Variants in GABBR2 observed in about 807,000 individuals in gnomAD.
GABBR2 encodes gamma-aminobutyric acid type B receptor subunit 2.
Under a neutral mutation model 105.6 loss-of-function variants are expected in GABBR2, and 23 were observed. The observed-to-expected ratio is 0.22, with a 90% CI of 0.16 to 0.31. The LOEUF (loss-of-function observed/expected upper bound fraction) is 0.31, where lower values mean the gene tolerates loss of function less well. Among genes scored for constraint, GABBR2 ranks in the 10% least tolerant of loss-of-function variants. GABBR2 has a pLI of 1.00. For missense variants in GABBR2, 734 were observed against 1,245.5 expected (o/e 0.59, Z 6.18); for synonymous variants, 478 against 499.7 (o/e 0.96, Z 0.58).
At chr9:98,607,105 G>A (rs1045153771) in intron 1 of GABBR2, 2 of 1,602,664 alleles carry the variant, frequency 1.2e-6, no homozygotes, top group Admixed American at 3.3e-5. Flanking sequence ...TATGGTAGTG[G>A]GTGGAACAAT....
At chr9:98,622,852 T>C (rs1189208347) in intron 1 of GABBR2, among the ~76,000 whole-genome samples, 4 of 151,502 alleles carry the variant, frequency 2.6e-5, no homozygotes, top group African/African-American at 9.7e-5. Flanking sequence ...CACAGAAGAG[T>C]CTTAGGGCAA....
intron 1 of GABBR2, among the ~76,000 whole-genome samples, chr9:98,652,372 C>T (rs1830120493): frequency 1.3e-5 from 2 of 152,156 alleles, no homozygotes; most frequent in South Asian, 2.1e-4. Context: ...AACAACCTCC[C>T]AGTTGCAGGG....
Position 98,394,084 on chromosome 9 carries a change from G to A in GABBR2, c.1378+91C>T, listed in dbSNP as rs16915576. 0.014 allele frequency: 12,327 copies of A among 887,782 alleles called. 121 individuals are homozygous for A. The highest frequency in any genetic ancestry group is 0.032 in the African/African-American group (1,953 of 61,082). The allele number at this position is 887,782 out of a possible 1,614,324, so 55.0% of individuals were successfully genotyped here. Reference sequence around the variant, plus strand: ...TGTTCCCTTGACCCCCTGAAGCCAAGGATGCTGAGCTTGTCCCTAACCCTT... The same window carrying A: ...TGTTCCCTTGACCCCCTGAAGCCAAAGATGCTGAGCTTGTCCCTAACCCTT... On this transcript the variant is annotated intron_variant, in intron 9 of 18. Coordinates refer to ENST00000259455, the MANE Select transcript of GABBR2 (RefSeq NM_005458.8).
chr9:98,468,258 G>T (rs59451817), intron 6 of GABBR2, among the ~76,000 whole-genome samples: 9,332 of 152,208 alleles, frequency 0.061, 943 homozygotes, highest in African/African-American at 0.21. Flanking sequence ...GGGGACAGCT[G>T]GATGCTAGAG....
Position 98,395,213 on chromosome 9 carries a change from T to C in GABBR2, c.1298-958A>G, listed in dbSNP as rs541688934. Among the ~76,000 whole-genome samples the C allele has an allele frequency of 8.5e-5, 13 of 152,204 alleles. No homozygotes were observed. In the South Asian group the frequency reaches 1.5e-3, roughly 17 times the overall value. On this transcript the variant is annotated intron_variant, in intron 8 of 18. Transcript: ENST00000259455. ...GACAACTGAGTGATCAAATGGGAGA[T>C]GAAGAAGAGGGGGACCAAGGTCATC... is the stretch of plus-strand genomic sequence containing the variant.
intron 12 of GABBR2, among the ~76,000 whole-genome samples, chr9:98,368,677 A>T (rs866801339): frequency 1.3e-5 from 2 of 152,362 alleles, no homozygotes; most frequent in Middle Eastern, 3.4e-3. Flanking sequence ...ACAGATGACC[A>T]TAGGGATGAA....
At chr9:98,654,677 T>C (rs975494154) in intron 1 of GABBR2, among the ~76,000 whole-genome samples, 1 of 151,608 alleles carries the variant, frequency 6.6e-6, no homozygotes, top group Non-Finnish European at 1.5e-5. Flanking sequence ...CAGTGGGGAG[T>C]AGGGAGCAGT....
intron 1 of GABBR2, among the ~76,000 whole-genome samples, chr9:98,634,566 C>T (rs146069624): frequency 0.012 from 1,766 of 152,204 alleles, 18 homozygotes; most frequent in Non-Finnish European, 0.017. Flanking sequence ...ACCAGAGCCA[C>T]CAGAGCTGGA....
intron 13 of GABBR2, 46 bp downstream of exon 13, chr9:98,362,669 G>A (rs1588122457): frequency 2.1e-6 from 3 of 1,445,616 alleles, no homozygotes; most frequent in Non-Finnish European, 2.7e-6. Context: ...TCATGTGCCA[G>A]GGGCTGCATC....
At chr9:98,379,504 G>T (rs1037132664) in intron 11 of GABBR2, among the ~76,000 whole-genome samples, 1 of 152,132 alleles carries the variant, frequency 6.6e-6, no homozygotes, top group African/African-American at 2.4e-5. Context: ...CCTGACCTTA[G>T]GTGATCCACC....
At chr9:98,318,842 G>A (rs1227348561) in intron 13 of GABBR2, among the ~76,000 whole-genome samples, 2 of 151,792 alleles carry the variant, frequency 1.3e-5, no homozygotes, top group African/African-American at 2.4e-5. Context: ...GGTAAAATTG[G>A]TAGGTTTTTC....
At chr9:98,685,714 A>G (rs1830612011) in intron 1 of GABBR2, among the ~76,000 whole-genome samples, 1 of 152,214 alleles carries the variant, frequency 6.6e-6, no homozygotes, top group African/African-American at 2.4e-5. Context: ...ATTTTTAAAG[A>G]CAGGATCTCA....
At chr9:98,320,531 A>G (rs930276001) in intron 13 of GABBR2, among the ~76,000 whole-genome samples, 7 of 152,204 alleles carry the variant, frequency 4.6e-5, no homozygotes, top group African/African-American at 1.4e-4. Context: ...ATGCACACGT[A>G]TGTTTATTGC....
chr9:98,583,441 C>T (rs1829029976), intron 1 of GABBR2, among the ~76,000 whole-genome samples: 1 of 152,212 alleles, frequency 6.6e-6, no homozygotes, highest in South Asian at 2.1e-4. Flanking sequence ...ACCAGCAGCT[C>T]CTCTCCCAAC....
chr9:98,475,976 A>G (rs572688388), intron 5 of GABBR2, among the ~76,000 whole-genome samples: 2 of 152,176 alleles, frequency 1.3e-5, no homozygotes, highest in Non-Finnish European at 2.9e-5. Context: ...AGGCAGGAGA[A>G]TTGCTTGAAC....
chr9:98,587,189 T>C (rs1411160346), intron 1 of GABBR2, among the ~76,000 whole-genome samples: 2 of 152,350 alleles, frequency 1.3e-5, no homozygotes, highest in South Asian at 4.1e-4. Flanking sequence ...AGCCTGTGTT[T>C]CCTCTTTTGG....
Position 98,708,563 on chromosome 9 carries a change from T to A in GABBR2, c.175A>T (p.Met59Leu), listed in dbSNP as rs374226063. ...TCCTTGGTGAGCGGCATGAGGCCCA[T>A]GATGGAGAGCGGCGGGCTGCTGGGC... is the stretch of plus-strand genomic sequence containing the variant. ...PPPSSPPLSI[M>L]GLMPLTKEVA... Residue 59 changes from methionine (M) to leucine (L), a missense_variant, in exon 1 of 19, where the codon ATG becomes TTG. Physicochemically the swap from Met to Leu is conservative, Grantham distance 15 (BLOSUM62 2). Around this residue, in one of 7 missense-constraint regions of GABBR2, gnomAD observed 370 missense variants for 648.9 expected, o/e 0.57. Transcript: ENST00000259455. The A allele has an allele frequency of 2.6e-6, 4 of 1,564,818 alleles. No individual in the cohort carries two copies. Among genetic ancestry groups the A allele is most frequent in the Non-Finnish European group, 3.5e-6 (4 of 1,159,398 alleles).
At chr9:98,572,974 C>G (rs1448781090) in intron 2 of GABBR2, among the ~76,000 whole-genome samples, 2 of 152,208 alleles carry the variant, frequency 1.3e-5, no homozygotes, top group African/African-American at 4.8e-5. Flanking sequence ...CCACAAGGAG[C>G]CTGGGAAAAT....
At chr9:98,636,523 T>A (rs1406320924) in intron 1 of GABBR2, among the ~76,000 whole-genome samples, 1 of 118,216 alleles carries the variant, frequency 8.5e-6, no homozygotes, top group East Asian at 2.8e-4. Context: ...AGATGGAGTC[T>A]CACTCTGTCA....
Sources: allele counts gnomAD v4.1 joint callset (sites outside exome capture counted in the v4.1 genomes callset), GRCh38; gene constraint gnomAD v4.1.1; regional missense constraint gnomAD v4.1.1; transcripts MANE v1.5; gene names NCBI Gene and HGNC (gene_info 2026-07-23, HGNC 2026-07-21).